Variants in DZIP3 observed in about 807,000 individuals in gnomAD.
The protein encoded by DZIP3 is DAZ interacting zinc finger protein 3, also known as E3 ubiquitin-protein ligase DZIP3.
In DZIP3, 118 loss-of-function variants were observed where a neutral mutation model predicts 162.0. The observed-to-expected ratio is 0.73, with a 90% CI of 0.63 to 0.85. DZIP3 has a LOEUF of 0.85. Among genes scored for constraint, DZIP3 ranks in the 40% least tolerant of loss-of-function variants. The probability of loss-of-function intolerance (pLI) is 0.00; values close to 1 mark genes in which losing one functional copy is unlikely to be tolerated. For synonymous variants in DZIP3, 438 were observed against 458.6 expected (o/e 0.96, Z 0.57); for missense variants, 1,331 against 1,407.0 (o/e 0.95, Z 0.86).
Position 108,669,668 on chromosome 3 carries a change from C to G in DZIP3, c.2424-13C>G. 1.9e-6 allele frequency: 3 copies of G among 1,609,194 alleles called. No individual in the cohort carries two copies. The highest frequency in any genetic ancestry group is 2.2e-5 in the East Asian group (1 of 44,768). ...TTTCTAACATCTTTTGACTTTCTTG[C>G]TTGTTTGCTTAGATTACAGCGTCAA... On this transcript the variant is annotated splice_polypyrimidine_tract_variant and intron_variant, in intron 21 of 32. Coordinates refer to ENST00000361582, the MANE Select transcript of DZIP3 (RefSeq NM_014648.4).
intron 8 of DZIP3, among the ~76,000 whole-genome samples, chr3:108,631,050 C>CACACACACACAT (rs1553705333): frequency 1.8e-5 from 2 of 112,044 alleles, no homozygotes; most frequent in African/African-American, 3.5e-5. Context: ...CACACACACA[C>CACACACACACAT]ACACACTCTC....
At chr3:108,640,509 G>A (rs1413147990) in intron 12 of DZIP3, among the ~76,000 whole-genome samples, 14 of 145,598 alleles carry the variant, frequency 9.6e-5, no homozygotes, top group East Asian at 4.1e-4. Flanking sequence ...GCAGTGGCAC[G>A]ATCTCGGCTC....
At chr3:108,629,237 A>G (rs950762808) in intron 8 of DZIP3, 61 bp downstream of exon 8, 10 of 1,058,938 alleles carry the variant, frequency 9.4e-6, no homozygotes, top group Non-Finnish European at 1.1e-5. Context: ...CAACTATATC[A>G]TATTCTTACA....
At position 108,644,456 on chromosome 3, in the gene DZIP3, T is replaced by G; in HGVS notation, c.1434T>G (p.Asn478Lys). The G allele has an allele frequency of 1.2e-6, 2 of 1,614,054 alleles. No homozygotes were observed. Among genetic ancestry groups the G allele is most frequent in the South Asian group, 2.2e-5 (2 of 91,072 alleles). The change falls in exon 14 of 33, where the codon AAT becomes AAG. Residue 478 changes from asparagine (N) to lysine (K), a missense_variant. By Grantham distance (94) the Asn-to-Lys change is moderately conservative. Coordinates refer to ENST00000361582, the MANE Select transcript of DZIP3 (RefSeq NM_014648.4). Reference sequence around the variant, plus strand: ...TGTTAGCTCTTATAAAACATTTAAATGTGTTCCCTGCACCCAAAAAAGGAT... The same window carrying G: ...TGTTAGCTCTTATAAAACATTTAAAGGTGTTCCCTGCACCCAAAAAAGGAT... ...CLLLALIKHL[N>K]VFPAPKKGWN...
intron 22 of DZIP3, among the ~76,000 whole-genome samples, chr3:108,671,441 G>A (rs1943924069): frequency 6.6e-6 from 1 of 151,736 alleles, no homozygotes; most frequent in African/African-American, 2.4e-5. Flanking sequence ...AGAATTCTGG[G>A]ACTCAAGTGT....
chr3:108,664,121 G>A (rs980283414), intron 21 of DZIP3, among the ~76,000 whole-genome samples: 22 of 152,174 alleles, frequency 1.4e-4, no homozygotes, highest in African/African-American at 4.3e-4. Flanking sequence ...GAGACTTGAG[G>A]AATGAGCTGG....
chr3:108,644,605 C>CA lies in DZIP3; in HGVS notation c.1585dup (p.Ile529AsnfsTer20). On this transcript the variant is annotated frameshift_variant, in exon 14 of 33. Coordinates refer to ENST00000361582, the MANE Select transcript of DZIP3 (RefSeq NM_014648.4). LOFTEE classifies it high-confidence loss of function. ...GGTCTCACTGAGTCACAGTTCAATT[C>CA]AATTTGGAAAAAAGTTTCAGATATT... 6.2e-7 allele frequency: 1 copy of CA among 1,614,014 alleles called. No individual in the cohort carries two copies. Among genetic ancestry groups the CA allele is most frequent in the East Asian group, 2.2e-5 (1 of 44,868 alleles).
intron 18 of DZIP3, among the ~76,000 whole-genome samples, chr3:108,652,500 C>A (rs1942909280): frequency 6.6e-6 from 1 of 151,734 alleles, no homozygotes; most frequent in South Asian, 2.1e-4. Flanking sequence ...GATGGTGGTC[C>A]CATAAAATTA....
intron 22 of DZIP3, among the ~76,000 whole-genome samples, chr3:108,670,178 G>T (rs1052978002): frequency 1.3e-5 from 2 of 151,876 alleles, no homozygotes; most frequent in East Asian, 3.9e-4. Flanking sequence ...AATTATCTCT[G>T]TTAAAATATA....
intron 13 of DZIP3, among the ~76,000 whole-genome samples, chr3:108,642,781 T>C (rs1018404017): frequency 6.6e-6 from 1 of 152,308 alleles, no homozygotes; most frequent in African/African-American, 2.4e-5. Flanking sequence ...GGGATTGTGT[T>C]CCAGCAGAGG....
intron 8 of DZIP3, among the ~76,000 whole-genome samples, chr3:108,631,055 A>ACACACACACACACACATACACT: frequency 0.018 from 328 of 18,034 alleles, 30 homozygotes; most frequent in Non-Finnish European, 0.022. Flanking sequence ...ACACACACAC[A>ACACACACACACACACATACACT]CTCTCTCTCT....
At chr3:108,651,330 A>T in intron 18 of DZIP3, among the ~76,000 whole-genome samples, 168 bp downstream of exon 18, 1 of 151,788 alleles carries the variant, frequency 6.6e-6, no homozygotes. Context: ...GAAAGTAACA[A>T]AAAGTTAAAT....
intron 18 of DZIP3, among the ~76,000 whole-genome samples, chr3:108,653,455 T>C (rs2107240953): frequency 6.8e-6 from 1 of 147,922 alleles, no homozygotes; most frequent in East Asian, 2.0e-4. Flanking sequence ...TAGCATGCAA[T>C]TAAATTTTAG....
chr3:108,646,649 C>T lies in DZIP3; in HGVS notation c.1792C>T (p.Arg598Cys), dbSNP rs138214706. ...TCTACAGTCAATAACAGGCAGTCAGCGTAAGTATATTTAGAAATAAAATGT... is the reference window on the plus strand; with the variant it reads ...TCTACAGTCAATAACAGGCAGTCAGTGTAAGTATATTTAGAAATAAAATGT... ...IALQSITGSQ[R>C]IEIEELQNEE... is the part of the protein sequence containing the mutation. Residue 598 changes from arginine to cysteine, a missense_variant and splice_region_variant, in exon 15 of 33, where the codon CGT becomes TGT. Arg to Cys is a radical substitution (Grantham distance 180). Transcript: ENST00000361582. 7 of 1,551,346 alleles carry T rather than the reference C, an allele frequency of 4.5e-6. 1 individual carries two copies. The highest frequency in any genetic ancestry group is 6.1e-6 in the Non-Finnish European group (7 of 1,151,860).
At chr3:108,660,193 G>C (rs565502149) in intron 19 of DZIP3, among the ~76,000 whole-genome samples, 2 of 152,106 alleles carry the variant, frequency 1.3e-5, no homozygotes, top group African/African-American at 4.8e-5. Flanking sequence ...CAATCCTAAG[G>C]CACAAGAACA....
At chr3:108,646,839 G>A (rs766247814) in intron 15 of DZIP3, among the ~76,000 whole-genome samples, 190 bp downstream of exon 15, 7 of 152,060 alleles carry the variant, frequency 4.6e-5, no homozygotes, top group African/African-American at 1.4e-4. Context: ...TCAGGAGATC[G>A]AGACCATCTT....
At position 108,637,112 on chromosome 3, in the gene DZIP3, C is replaced by T. The variant is rs550626301; in HGVS notation, c.1012-384C>T. The stretch of plus-strand genomic sequence containing the variant: ...AGAACATCACATATAGTACCTGTTA[C>T]ATAAAATGCACTCAGATGATATCCA... On this transcript the variant is annotated intron_variant, in intron 11 of 32. Transcript: ENST00000361582. 4.6e-5 allele frequency among the ~76,000 whole-genome samples: 7 copies of T among 152,112 alleles called. 1 individual carries two copies. The highest frequency in any genetic ancestry group is 1.7e-4 in the African/African-American group (7 of 41,568).
chr3:108,624,375 T>C, intron 5 of DZIP3, 69 bp from the exon 6 acceptor site: 1 of 817,922 alleles, frequency 1.2e-6, no homozygotes, highest in Non-Finnish European at 2.1e-6. Context: ...TTAGGATATT[T>C]AATTAAGCTT....
chr3:108,663,718 C>T (rs955204330), intron 21 of DZIP3, among the ~76,000 whole-genome samples: 54 of 152,186 alleles, frequency 3.5e-4, no homozygotes, highest in African/African-American at 7.2e-4. Flanking sequence ...GATATCCCTC[C>T]GCAACTCTTT....
Sources: gnomAD v4.1 joint callset for allele counts (sites outside exome capture counted in the v4.1 genomes callset) on GRCh38, gnomAD v4.1.1 for gene constraint, MANE v1.5 for transcripts, NCBI Gene and HGNC (gene_info 2026-07-23, HGNC 2026-07-21) for gene names.